The following SUPV3L1 variants were observed in gnomAD, a reference collection of about 807,000 sequenced individuals.
SUPV3L1 encodes the protein Suv3 like RNA helicase, also known as ATP-dependent RNA helicase SUPV3L1, mitochondrial.
Under a neutral mutation model 70.0 loss-of-function variants are expected in SUPV3L1, and 35 were observed. The ratio of observed to expected loss-of-function variants is 0.50; its 90% CI spans 0.38 to 0.66. The LOEUF is 0.66. SUPV3L1 is among the 30% of genes least tolerant of loss of function. The pLI is 0.00. For missense variants in SUPV3L1, 777 were observed against 961.5 expected, an observed-to-expected ratio of 0.81 and a Z score of 2.54; for synonymous variants, 364 against 341.9, an observed-to-expected ratio of 1.06 and a Z score of -0.71.
chr10:69,193,493 C>T (rs1467004837), intron 6 of SUPV3L1, among the ~76,000 whole-genome samples: 2 of 140,378 alleles, frequency 1.4e-5, no homozygotes, highest in African/African-American at 2.7e-5. Context: ...TCACTCCTGT[C>T]GTTCAGGTGG....
chr10:69,205,047 A>T lies in SUPV3L1; in HGVS notation c.1776+2004A>T, dbSNP rs886743636. Among the ~76,000 whole-genome samples, 19 of 152,230 alleles carry T rather than the reference A, an allele frequency of 1.2e-4. 1 individual carries two copies. The highest frequency in any genetic ancestry group is 4.6e-4 in the African/African-American group (19 of 41,454). The stretch of plus-strand genomic sequence containing the variant: ...CAGCCTCCCAAAGTGCTAGGATTAC[A>T]GGCATGAGCCATTGTGCCCAGCCCT... On this transcript the variant is annotated intron_variant, in intron 13 of 14. Transcript: ENST00000359655.
rs778499051 is a variant in SUPV3L1, at chr10:69,209,035, G to C, written c.2361G>C (p.Ter787TyrextTer19). ...AGAAGAAGGAACCTGATTCGGACTA[G>C]TTTTCTGTTCCTGTTTTTTTTTTTT... is the stretch of plus-strand genomic sequence containing the variant. ...RRKKKEPDSD[*>Y] The change falls in exon 15 of 15, where the codon TAG (stop) becomes TAC (tyrosine). Residue 787 changes from the stop codon to tyrosine, a stop_lost. Coordinates refer to ENST00000359655, the MANE Select transcript of SUPV3L1 (RefSeq NM_003171.5). 3 of 1,521,452 alleles carry C rather than the reference G, an allele frequency of 2.0e-6. No homozygotes were observed. Among genetic ancestry groups the C allele is most frequent in the Non-Finnish European group, 2.6e-6 (3 of 1,136,236 alleles). 94.2% of individuals were successfully genotyped at this position (1,521,452 alleles called of 1,614,324 possible).
chr10:69,190,891 G>C (rs1052735177), intron 5 of SUPV3L1, among the ~76,000 whole-genome samples: 1 of 152,218 alleles, frequency 6.6e-6, no homozygotes, highest in Non-Finnish European at 1.5e-5. Flanking sequence ...AGCACCAAGA[G>C]TCCTCCATTC....
chr10:69,199,232 G>T (rs894885839), intron 10 of SUPV3L1, 35 bp downstream of exon 10: 5 of 1,532,524 alleles, frequency 3.3e-6, no homozygotes, highest in Non-Finnish European at 4.5e-6. Context: ...TGAATATTTG[G>T]TGAGTTAAAT....
chr10:69,180,313 T>C lies in SUPV3L1; in HGVS notation c.22T>C (p.Leu8=), dbSNP rs1344682687. The part of the protein sequence containing the change: MSFSRAL[L]WARLPAGRQA... ...CTCGATGTCCTTCTCCCGTGCCCTATTGTGGGCTCGGCTCCCGGCGGGGCG... is the reference window on the plus strand; with the variant it reads ...CTCGATGTCCTTCTCCCGTGCCCTACTGTGGGCTCGGCTCCCGGCGGGGCG... Residue 8 remains leucine (L), a synonymous_variant, in exon 1 of 15, where the codon TTG becomes CTG. Transcript: ENST00000359655. 4 of 1,613,874 alleles carry C rather than the reference T, an allele frequency of 2.5e-6. No individual in the cohort carries two copies. Among genetic ancestry groups the C allele is most frequent in the South Asian group, 2.2e-5 (2 of 91,064 alleles).
Position 69,186,449 on chromosome 10 carries a change from T to C in SUPV3L1, c.356T>C (p.Leu119Pro). ...TCATTTTGTGTTTCTACAGCTCGTC[T>C]CTTCCACCAAGCTTTCATAAGCTTT... ...LGADYGLDAR[L>P]FHQAFISFRN... Residue 119 changes from leucine (L) to proline (P), a missense_variant, in exon 3 of 15, where the codon CTC becomes CCC. Leu to Pro is a moderately conservative substitution (Grantham distance 98). Around this residue, in one of 2 missense-constraint regions of SUPV3L1, gnomAD observed 619 missense variants for 823.3 expected, o/e 0.75. Coordinates refer to ENST00000359655, the MANE Select transcript of SUPV3L1 (RefSeq NM_003171.5). 6.2e-7 allele frequency: 1 copy of C among 1,612,792 alleles called. No individual in the cohort carries two copies. The highest frequency in any genetic ancestry group is 8.5e-7 in the Non-Finnish European group (1 of 1,178,952).
intron 12 of SUPV3L1, 136 bp from the exon 13 acceptor site, chr10:69,202,731 G>A: frequency 9.7e-7 from 1 of 1,029,170 alleles, no homozygotes; most frequent in Non-Finnish European, 1.4e-6. Context: ...AGGATATGAG[G>A]GAGTGATTAA....
chr10:69,193,060 A>C (rs1174641377), intron 6 of SUPV3L1: 1 of 152,180 alleles, frequency 6.6e-6, no homozygotes, highest in Non-Finnish European at 1.5e-5. Flanking sequence ...GTAAGCAATC[A>C]TATCTTCATT....
At chr10:69,199,033 C>A in intron 9 of SUPV3L1, 71 bp from the exon 10 acceptor site, 1 of 1,205,810 alleles carries the variant, frequency 8.3e-7, no homozygotes, top group Non-Finnish European at 1.2e-6. Context: ...GTGAGGGTTT[C>A]CAAGATGTAC....
chr10:69,188,722 C>T (rs1842305380), intron 4 of SUPV3L1, among the ~76,000 whole-genome samples: 1 of 152,158 alleles, frequency 6.6e-6, no homozygotes, highest in Non-Finnish European at 1.5e-5. Flanking sequence ...TGGTCTCGAG[C>T]TCCTGACCTC....
chr10:69,189,259 T>C lies in SUPV3L1; in HGVS notation c.573-8T>C, dbSNP rs767862142. ...ATGGATTAAGCTGTTTACCTACTCA[T>C]GTTTTAGGTACCCAGATGCTAGAGC... On this transcript the variant is annotated splice_region_variant and splice_polypyrimidine_tract_variant and intron_variant, in intron 4 of 14. Coordinates refer to ENST00000359655, the MANE Select transcript of SUPV3L1 (RefSeq NM_003171.5). 9 of 1,611,092 alleles carry C rather than the reference T, an allele frequency of 5.6e-6. No individual in the cohort carries two copies. Among genetic ancestry groups the C allele is most frequent in the South Asian group, 1.1e-5 (1 of 90,358 alleles).
intron 11 of SUPV3L1, 109 bp downstream of exon 11, chr10:69,200,608 T>A: frequency 1.1e-6 from 1 of 945,508 alleles, no homozygotes; most frequent in South Asian, 1.8e-5. Flanking sequence ...CAGACATAAG[T>A]GAAAGAAAAT....
Position 69,194,914 on chromosome 10 carries a change from A to G in SUPV3L1, c.854-274A>G, listed in dbSNP as rs548394426. Reference sequence around the variant, plus strand: ...GAATTTCATCTCTGCATTTAACTGTATAACTTAAGGCAAGTAACTTAATTT... The same window carrying G: ...GAATTTCATCTCTGCATTTAACTGTGTAACTTAAGGCAAGTAACTTAATTT... On this transcript the variant is annotated intron_variant, in intron 6 of 14. Coordinates refer to ENST00000359655, the MANE Select transcript of SUPV3L1 (RefSeq NM_003171.5). Among the ~76,000 whole-genome samples the G allele has an allele frequency of 2.1e-3, 326 of 152,298 alleles. 1 individual carries two copies. Among genetic ancestry groups the G allele is most frequent in the Non-Finnish European group, 3.4e-3 (231 of 68,028 alleles).
Position 69,197,562 on chromosome 10 carries a change from AATT to A in SUPV3L1, c.1023+498_1023+500del, listed in dbSNP as rs745306307. 8.6e-5 allele frequency among the ~76,000 whole-genome samples: 13 copies of A among 151,784 alleles called. No individual in the cohort carries two copies. The South Asian group carries it at 2.3e-3, about 27-fold the overall frequency. ...TTTACCAGAGTTCTATAGTAAAATGAATTATTATTATTATTATTATTTTTTGAG... is the reference window on the plus strand; with the variant it reads ...TTTACCAGAGTTCTATAGTAAAATGAATTATTATTATTATTATTTTTTGAG... On this transcript the variant is annotated intron_variant, in intron 8 of 14. Transcript: ENST00000359655.
At position 69,207,901 on chromosome 10, in the gene SUPV3L1, G is replaced by A; in HGVS notation, c.1885G>A (p.Glu629Lys). ...PKNIKDLMDL[E>K]AVHDVLDLYL... is the part of the protein sequence containing the mutation. ...GAATATTAAAGACCTCATGGATCTT[G>A]AAGCTGTCCACGATGTCTTGGATCT... The change falls in exon 14 of 15, where the codon GAA becomes AAA. Residue 629 changes from glutamate to lysine, a missense_variant. This residue lies in a region of SUPV3L1 where 619 missense variants were observed against 823.3 expected (regional missense o/e 0.75). Transcript: ENST00000359655. The A allele has an allele frequency of 6.2e-7, 1 of 1,614,182 alleles. No homozygotes were observed. The highest frequency in any genetic ancestry group is 8.5e-7 in the Non-Finnish European group (1 of 1,180,030).
chr10:69,199,152 GC>G lies in SUPV3L1; in HGVS notation c.1254del (p.Cys418Ter). On this transcript the variant is annotated frameshift_variant, in exon 10 of 15. Coordinates refer to ENST00000359655, the MANE Select transcript of SUPV3L1 (RefSeq NM_003171.5). LOFTEE classifies it high-confidence loss of function. Reference protein sequence around the residue: ...AKKFNDPNDPCKILVATDAIG... With the variant: ...AKKFNDPNDPXKILVATDAIG... ...AAGTTTAATGATCCCAATGACCCAT[GC>G]AAAATCTTGGTTGCTACAGATGCAA... is the stretch of plus-strand genomic sequence containing the variant. 1.9e-6 allele frequency: 3 copies of G among 1,612,618 alleles called. No individual in the cohort carries two copies. The highest frequency in any genetic ancestry group is 2.5e-6 in the Non-Finnish European group (3 of 1,179,608).
intron 6 of SUPV3L1, among the ~76,000 whole-genome samples, chr10:69,194,272 T>A (rs1362018417): frequency 6.6e-6 from 1 of 151,894 alleles, no homozygotes; most frequent in Non-Finnish European, 1.5e-5. Flanking sequence ...CTTAAGAGAT[T>A]GAGATGGGAG....
chr10:69,189,632 A>G (rs1842334628), intron 5 of SUPV3L1, among the ~76,000 whole-genome samples, 197 bp downstream of exon 5: 1 of 150,318 alleles, frequency 6.7e-6, no homozygotes, highest in Non-Finnish European at 1.5e-5. Flanking sequence ...ACTGACTCTG[A>G]CATGCTATCA....
intron 6 of SUPV3L1, 91 bp from the exon 7 acceptor site, chr10:69,195,097 G>T: frequency 1.0e-6 from 1 of 957,748 alleles, no homozygotes; most frequent in Non-Finnish European, 1.6e-6. Context: ...GGTGGTAGTG[G>T]TGATGGTGAT....
Sources: allele counts gnomAD v4.1 joint callset (sites outside exome capture counted in the v4.1 genomes callset), GRCh38; gene constraint gnomAD v4.1.1; regional missense constraint gnomAD v4.1.1; transcripts MANE v1.5; gene names NCBI Gene and HGNC (gene_info 2026-07-23, HGNC 2026-07-21).